The following GBP6 variants were observed in gnomAD, a reference collection of about 807,000 sequenced individuals.
The protein encoded by GBP6 is guanylate-binding protein 6.
GBP6 carries 54 observed loss-of-function variants against 61.5 expected under a neutral mutation model. That is an observed-to-expected ratio of 0.88 (90% CI 0.71 to 1.10). The LOEUF is 1.10. Among genes scored for constraint, GBP6 ranks in the 50% least tolerant of loss-of-function variants. The pLI is 0.00. For missense variants in GBP6, 748 were observed against 752.8 expected (o/e 0.99, Z 0.07); for synonymous variants, 255 against 273.7 (o/e 0.93, Z 0.67).
intron 3 of GBP6, among the ~76,000 whole-genome samples, chr1:89,370,555 TTC>T (rs1157254571): frequency 1.2e-4 from 19 of 152,210 alleles, no homozygotes; most frequent in Non-Finnish European, 2.6e-4. Context: ...AATAAATAAT[TTC>T]TCTCTTTTAT....
intron 1 of GBP6, among the ~76,000 whole-genome samples, chr1:89,364,652 T>C (rs1396346253): frequency 1.0e-5 from 1 of 98,610 alleles, no homozygotes; most frequent in South Asian, 3.8e-4. Context: ...TGTGTATGTG[T>C]GTGTGGGGAG....
chr1:89,384,022 C>G, intron 9 of GBP6, 71 bp from the exon 10 acceptor site: 1 of 1,417,458 alleles, frequency 7.1e-7, no homozygotes, highest in East Asian at 2.4e-5. Context: ...TTGGTTTAGT[C>G]TCAGCTCAGA....
intron 6 of GBP6, among the ~76,000 whole-genome samples, 183 bp from the exon 7 acceptor site, chr1:89,381,511 A>C (rs1172660291): frequency 6.6e-6 from 1 of 152,112 alleles, no homozygotes; most frequent in East Asian, 1.9e-4. Context: ...GAGATCCATA[A>C]AATTGAAGAG....
At chr1:89,372,240 C>CAAGGT (rs1652664668) in intron 3 of GBP6, among the ~76,000 whole-genome samples, 1 of 152,150 alleles carries the variant, frequency 6.6e-6, no homozygotes, top group African/African-American at 2.4e-5. Context: ...CCATACGGCC[C>CAAGGT]AAGGTAATTT....
chr1:89,380,873 T>A, intron 6 of GBP6, among the ~76,000 whole-genome samples: 1 of 152,232 alleles, frequency 6.6e-6, no homozygotes, highest in East Asian at 1.9e-4. Context: ...CCCCCACTGA[T>A]AAAATAACTA....
intron 5 of GBP6, among the ~76,000 whole-genome samples, chr1:89,379,053 G>A (rs939275917): frequency 2.0e-5 from 3 of 152,172 alleles, no homozygotes; most frequent in Admixed American, 6.5e-5. Context: ...GCCTGAGCCT[G>A]GGTAATTTAT....
chr1:89,382,894 C>T lies in GBP6; in HGVS notation c.1365+18C>T. The stretch of plus-strand genomic sequence containing the variant: ...GAGTAAAGGTAAGGAATAAGGGGAG[C>T]ATGGGGAAGTTTATAGGATAGAGTG... On this transcript the variant is annotated intron_variant, in intron 8 of 10. Coordinates refer to ENST00000370456, the MANE Select transcript of GBP6 (RefSeq NM_198460.3). 6.4e-7 allele frequency: 1 copy of T among 1,561,702 alleles called. No individual in the cohort carries two copies. Among genetic ancestry groups the T allele is most frequent in the Non-Finnish European group, 8.8e-7 (1 of 1,132,886 alleles).
In GBP6 at chr1:89,380,491, A is replaced by G. The variant is rs1379698948; in HGVS notation, c.731A>G (p.Asp244Gly). 6.2e-7 allele frequency: 1 copy of G among 1,614,162 alleles called. No homozygotes were observed. Among genetic ancestry groups the G allele is most frequent in the Non-Finnish European group, 8.5e-7 (1 of 1,180,030 alleles). ...TTTGACCGGCCAACAAATGACAAAG[A>G]CCTTCTAGCCAATATTGAGAAGGTG... ...FVFDRPTNDKDLLANIEKVSE... is the reference protein window; with the variant it reads ...FVFDRPTNDKGLLANIEKVSE... Residue 244 changes from aspartate to glycine, a missense_variant, in exon 6 of 11, where the codon GAC (aspartate) becomes GGC (glycine). Asp to Gly is a moderately conservative substitution (Grantham distance 94). Transcript: ENST00000370456.
chr1:89,385,388 A>T lies in GBP6; in HGVS notation c.1821A>T (p.Ile607=). The T allele has an allele frequency of 1.2e-6, 2 of 1,614,082 alleles. No homozygotes were observed. The highest frequency in any genetic ancestry group is 2.2e-5 in the South Asian group (2 of 91,090). Residue 607 remains isoleucine, a synonymous_variant, in exon 11 of 11, where the codon ATA becomes ATT. Transcript: ENST00000370456. The part of the protein sequence containing the change: ...LDNLADELTA[I]LSAPAKLIGH... ...ACCTTGCCGATGAGCTAACTGCAATATTGTCTGCTCCTGCTAAATTAATTG... is the reference window on the plus strand; with the variant it reads ...ACCTTGCCGATGAGCTAACTGCAATTTTGTCTGCTCCTGCTAAATTAATTG...
chr1:89,381,974 G>A lies in GBP6; in HGVS notation c.1152G>A (p.Met384Ile), dbSNP rs1265688410. The A allele has an allele frequency of 1.9e-6, 3 of 1,603,154 alleles. No individual in the cohort carries two copies. The highest frequency in any genetic ancestry group is 4.5e-5 in the East Asian group (2 of 44,764). ...ATCAGGAATTCCAGAAGAAGTTCAT[G>A]GTAATTTGCCTTAGTCATTACTGTT... ...DENQEFQKKF[M>I]ETTMNKKGDF... Residue 384 changes from methionine (M) to isoleucine (I), a missense_variant and splice_region_variant, in exon 7 of 11, where the codon ATG becomes ATA. Physicochemically the swap from Met to Ile is conservative, Grantham distance 10. Coordinates refer to ENST00000370456, the MANE Select transcript of GBP6 (RefSeq NM_198460.3).
At position 89,378,580 on chromosome 1, in the gene GBP6, G is replaced by A. The variant is rs1652874423; in HGVS notation, c.592G>A (p.Glu198Lys). Residue 198 changes from glutamate to lysine, a missense_variant, in exon 5 of 11, where the codon GAA becomes AAA. Coordinates refer to ENST00000370456, the MANE Select transcript of GBP6 (RefSeq NM_198460.3). ...KLNGHPITED[E>K]YLENALKLIQ... ...GAACGGTCACCCTATCACAGAAGAT[G>A]AATACCTGGAGAATGCCTTGAAGCT... 1.2e-6 allele frequency: 2 copies of A among 1,613,576 alleles called. No homozygotes were observed. The highest frequency in any genetic ancestry group is 3.3e-5 in the Admixed American group (2 of 59,946).
rs779505994 is a variant in GBP6, at chr1:89,383,670, A to C, written c.1384A>C (p.Arg462=). The C allele has an allele frequency of 3.1e-6, 5 of 1,607,716 alleles. No homozygotes were observed. The highest frequency in any genetic ancestry group is 4.2e-6 in the Non-Finnish European group (5 of 1,178,338). The change falls in exon 9 of 11, where the codon AGG becomes CGG. Residue 462 remains arginine, a synonymous_variant. Coordinates refer to ENST00000370456, the MANE Select transcript of GBP6 (RefSeq NM_198460.3). ...KGVKAKEVFQ[R]FLESQMVIEE... is the part of the protein sequence containing the mutation. Reference sequence around the variant, plus strand: ...TCCATAGGCAAAAGAGGTCTTCCAGAGGTTCCTGGAGTCACAGATGGTGAT... The same window carrying C: ...TCCATAGGCAAAAGAGGTCTTCCAGCGGTTCCTGGAGTCACAGATGGTGAT...
At chr1:89,372,885 G>A (rs915938684) in intron 3 of GBP6, among the ~76,000 whole-genome samples, 4 of 152,102 alleles carry the variant, frequency 2.6e-5, no homozygotes, top group East Asian at 3.9e-4. Context: ...GCAACCTACA[G>A]AATGGGAGAA....
Position 89,381,685 on chromosome 1 carries a change from T to C in GBP6, c.872-9T>C, listed in dbSNP as rs889219372. On this transcript the variant is annotated splice_polypyrimidine_tract_variant and intron_variant, in intron 6 of 10. Transcript: ENST00000370456. The stretch of plus-strand genomic sequence containing the variant: ...CATATTTAGCCCCTAAATCTCCTGG[T>C]TCATTTAGGTCTGGGAACTCTGGCA... 1.6e-5 allele frequency: 26 copies of C among 1,585,972 alleles called. No homozygotes were observed. The African/African-American group carries it at 3.0e-4, about 18-fold the overall frequency.
chr1:89,382,782 G>A lies in GBP6; in HGVS notation c.1271G>A (p.Gly424Glu). Reference sequence around the variant, plus strand: ...GGACTAATGGAAAGTATCTCAGCAGGAAGTTTCTCTGTTCCTGGAGGGCAC... The same window carrying A: ...GGACTAATGGAAAGTATCTCAGCAGAAAGTTTCTCTGTTCCTGGAGGGCAC... ...SKGLMESISA[G>E]SFSVPGGHKL... The change falls in exon 8 of 11, where the codon GGA becomes GAA. Residue 424 changes from glycine (G) to glutamate (E), a missense_variant. Coordinates refer to ENST00000370456, the MANE Select transcript of GBP6 (RefSeq NM_198460.3). 1.9e-6 allele frequency: 3 copies of A among 1,614,096 alleles called. No individual in the cohort carries two copies. Among genetic ancestry groups the A allele is most frequent in the East Asian group, 2.2e-5 (1 of 44,862 alleles).
chr1:89,365,745 C>T (rs528957759), intron 1 of GBP6, among the ~76,000 whole-genome samples: 12 of 152,244 alleles, frequency 7.9e-5, no homozygotes, highest in Non-Finnish European at 1.3e-4. Context: ...AAAACACCCT[C>T]CAGGTTGGAT....
chr1:89,369,401 A>G lies in GBP6; in HGVS notation c.191-145A>G, dbSNP rs560290880. ...CCTCGCTTTTTTATATAGATTATTC[A>G]CAAAGTAAGCCATTCTTGAGGAAAT... On this transcript the variant is annotated intron_variant, in intron 2 of 10. Coordinates refer to ENST00000370456, the MANE Select transcript of GBP6 (RefSeq NM_198460.3). The G allele has an allele frequency of 8.2e-6, 8 of 971,254 alleles. No homozygotes were observed. The African/African-American group carries it at 1.3e-4, about 16-fold the overall frequency. The allele number at this position is 971,254 out of a possible 1,614,324, so 60.2% of individuals were successfully genotyped here.
chr1:89,366,857 C>T (rs1270538763), intron 1 of GBP6, among the ~76,000 whole-genome samples: 1 of 152,184 alleles, frequency 6.6e-6, no homozygotes, highest in African/African-American at 2.4e-5. Flanking sequence ...GGTAGCTACA[C>T]TTCTACTTTC....
At chr1:89,370,868 C>T (rs1393080675) in intron 3 of GBP6, among the ~76,000 whole-genome samples, 2 of 152,058 alleles carry the variant, frequency 1.3e-5, no homozygotes, top group Non-Finnish European at 2.9e-5. Context: ...GTCCTCTTAG[C>T]GGAAGTGAAG....
Sources: allele counts gnomAD v4.1 joint callset (sites outside exome capture counted in the v4.1 genomes callset), GRCh38; gene constraint gnomAD v4.1.1; transcripts MANE v1.5; gene names NCBI Gene and HGNC (gene_info 2026-07-23, HGNC 2026-07-21).